PRAG1: variants seen among roughly 807,000 people sequenced by gnomAD.
The protein encoded by PRAG1 is inactive tyrosine-protein kinase PRAG1.
Under a neutral mutation model 95.6 loss-of-function variants are expected in PRAG1, and 110 were observed. The observed-to-expected ratio is 1.15, with a 90% CI of 0.99 to 1.35. The LOEUF is 1.35. PRAG1 is among the 40% of genes most tolerant of loss of function. PRAG1 has a pLI of 0.00. For synonymous variants in PRAG1, 1,052 were observed against 819.4 expected, an observed-to-expected ratio of 1.28 and a Z score of -4.85; for missense variants, 2,554 against 1,864.7, an observed-to-expected ratio of 1.37 and a Z score of -6.81.
intron 4 of PRAG1, among the ~76,000 whole-genome samples, chr8:8,338,016 C>T (rs1406418262): frequency 6.6e-6 from 1 of 152,068 alleles, no homozygotes; most frequent in Non-Finnish European, 1.5e-5. Flanking sequence ...CCTGGAAAGC[C>T]CTCTCCTCCT....
intron 3 of PRAG1, among the ~76,000 whole-genome samples, chr8:8,341,469 T>C (rs1289692936): frequency 6.6e-6 from 1 of 152,252 alleles, no homozygotes; most frequent in Non-Finnish European, 1.5e-5. Flanking sequence ...GTATATTTAC[T>C]ACAGATTTCA....
At position 8,378,042 on chromosome 8, in the gene PRAG1, G is replaced by T. The variant is rs1346889560; in HGVS notation, c.367C>A (p.Pro123Thr). The T allele has an allele frequency of 4.5e-6, 7 of 1,555,888 alleles. No homozygotes were observed. Among genetic ancestry groups the T allele is most frequent in the Non-Finnish European group, 6.1e-6 (7 of 1,150,940 alleles). ...ACGACGGGGGCATCCTCCTGCTTCG[G>T]GAGGGGGAGCTTGCCAGGGGCTCGT... ...WRRAPGKLPL[P>T]KQEDAPVVYL... Residue 123 changes from proline to threonine, a missense_variant, in exon 3 of 6, where the codon CCG becomes ACG. Transcript: ENST00000615670.
intron 5 of PRAG1, among the ~76,000 whole-genome samples, chr8:8,319,770 A>C (rs376745691): frequency 1.3e-4 from 20 of 152,252 alleles, no homozygotes; most frequent in Non-Finnish European, 2.4e-4. Context: ...AACAAACAAA[A>C]AAACGTGGGC....
At chr8:8,329,777 A>G (rs546984158) in intron 4 of PRAG1, among the ~76,000 whole-genome samples, 3 of 152,296 alleles carry the variant, frequency 2.0e-5, no homozygotes, top group African/African-American at 7.2e-5. Context: ...ATAGATCAAG[A>G]CTGGGTCTCT....
chr8:8,375,507 T>C (rs1463985980), intron 3 of PRAG1, among the ~76,000 whole-genome samples: 11 of 151,874 alleles, frequency 7.2e-5, no homozygotes, highest in Non-Finnish European at 1.5e-5. Context: ...GCCCCATTTT[T>C]TTCTTTAAAA....
chr8:8,357,758 A>C (rs1799726510), intron 3 of PRAG1, among the ~76,000 whole-genome samples: 1 of 152,222 alleles, frequency 6.6e-6, no homozygotes, highest in African/African-American at 2.4e-5. Flanking sequence ...TAGCAGTATT[A>C]TTCACAGTAG....
chr8:8,339,189 C>T (rs1799088246), intron 4 of PRAG1, among the ~76,000 whole-genome samples: 1 of 152,208 alleles, frequency 6.6e-6, no homozygotes, highest in Admixed American at 6.5e-5. Flanking sequence ...GGCCTGTACA[C>T]AGATGGCTCA....
At position 8,328,060 on chromosome 8, in the gene PRAG1, G is replaced by A. The variant is rs768390231; in HGVS notation, c.2722C>T (p.Pro908Ser). 1.9e-6 allele frequency: 3 copies of A among 1,596,370 alleles called. No homozygotes were observed. The highest frequency in any genetic ancestry group is 1.7e-6 in the Non-Finnish European group (2 of 1,170,326). Reference protein sequence around the residue: ...LAGNRGGCGSPGLQCKGAPSA... With the variant: ...LAGNRGGCGSSGLQCKGAPSA... ...GGGGCCCCTTTGCACTGGAGGCCAGGGCTCCCGCAGCCGCCTCTGTTGCCC... is the reference window on the plus strand; with the variant it reads ...GGGGCCCCTTTGCACTGGAGGCCAGAGCTCCCGCAGCCGCCTCTGTTGCCC... The change falls in exon 5 of 6, where the codon CCT (proline) becomes TCT (serine). Residue 908 changes from proline to serine, a missense_variant. Transcript: ENST00000615670.
chr8:8,331,702 T>A (rs1043321338), intron 4 of PRAG1, among the ~76,000 whole-genome samples: 8 of 152,212 alleles, frequency 5.3e-5, no homozygotes, highest in African/African-American at 1.9e-4. Context: ...ACCAAGAGGT[T>A]CTGCTTTAGA....
intron 3 of PRAG1, among the ~76,000 whole-genome samples, chr8:8,368,691 C>A (rs574347548): frequency 5.3e-5 from 8 of 152,238 alleles, no homozygotes; most frequent in South Asian, 4.2e-4. Flanking sequence ...ATTCTAGGAA[C>A]AAAGTCCCTC....
chr8:8,332,729 C>T (rs190657358), intron 4 of PRAG1, among the ~76,000 whole-genome samples: 3 of 150,236 alleles, frequency 2.0e-5, no homozygotes, highest in Admixed American at 6.7e-5. Flanking sequence ...AACATGCAGC[C>T]CTTGTAGATG....
At chr8:8,378,195 G>T in intron 2 of PRAG1, 117 bp from the exon 3 acceptor site, 1 of 1,235,422 alleles carries the variant, frequency 8.1e-7, no homozygotes, top group Non-Finnish European at 1.1e-6. Flanking sequence ...GTAGTGCAGT[G>T]CAGGGGCGCT....
chr8:8,368,531 T>C (rs1456038327), intron 3 of PRAG1, among the ~76,000 whole-genome samples: 2 of 152,212 alleles, frequency 1.3e-5, no homozygotes, highest in African/African-American at 4.8e-5. Flanking sequence ...AGTTGGTCTA[T>C]CAACCCTGAT....
At chr8:8,334,181 T>C (rs1450662418) in intron 4 of PRAG1, among the ~76,000 whole-genome samples, 3 of 152,208 alleles carry the variant, frequency 2.0e-5, no homozygotes, top group Admixed American at 6.5e-5. Context: ...CAGTGACTCA[T>C]GCCTGCAATC....
At chr8:8,378,163 A>G (rs1800499280) in intron 2 of PRAG1, 85 bp from the exon 3 acceptor site, 1 of 1,446,442 alleles carries the variant, frequency 6.9e-7, no homozygotes, top group African/African-American at 1.4e-5. Context: ...GGGAAGGGCA[A>G]CGATACTGTA....
chr8:8,384,317 A>G (rs1800778086), intron 1 of PRAG1, among the ~76,000 whole-genome samples: 1 of 152,014 alleles, frequency 6.6e-6, no homozygotes, highest in Admixed American at 6.5e-5. Flanking sequence ...GTGCAAAGGG[A>G]GTGTGGAAGG....
chr8:8,326,906 T>G (rs1798651120), intron 5 of PRAG1, among the ~76,000 whole-genome samples: 1 of 152,204 alleles, frequency 6.6e-6, no homozygotes, highest in South Asian at 2.1e-4. Context: ...AGAGTCTAGT[T>G]GTAGAGTGAA....
intron 3 of PRAG1, among the ~76,000 whole-genome samples, chr8:8,357,083 T>C (rs1321181882): frequency 6.6e-6 from 1 of 152,068 alleles, no homozygotes; most frequent in Admixed American, 6.6e-5. Flanking sequence ...AAATTCCTCG[T>C]GGAAAACAAA....
At chr8:8,369,367 A>T (rs577441866) in intron 3 of PRAG1, among the ~76,000 whole-genome samples, 22 of 152,358 alleles carry the variant, frequency 1.4e-4, no homozygotes, top group Non-Finnish European at 2.4e-4. Flanking sequence ...TTAATGTAAC[A>T]AAAGATACAC....
Sources: gnomAD v4.1 joint callset for allele counts (sites outside exome capture counted in the v4.1 genomes callset) on GRCh38, gnomAD v4.1.1 for gene constraint, MANE v1.5 for transcripts, NCBI Gene and HGNC (gene_info 2026-07-23, HGNC 2026-07-21) for gene names.